The following LIX1 variants were observed in gnomAD, a reference collection of about 807,000 sequenced individuals.
LIX1 encodes limb and CNS expressed 1.
LIX1 carries 24 observed loss-of-function variants against 33.4 expected under a neutral mutation model. The observed-to-expected ratio is 0.72, with a 90% confidence interval of 0.52 to 1.01. The LOEUF (loss-of-function observed/expected upper bound fraction) is 1.01. Among genes scored for constraint, LIX1 ranks in the 50% least tolerant of loss-of-function variants. The probability of loss-of-function intolerance (pLI) is 0.00; values close to 1 mark genes in which losing one functional copy is unlikely to be tolerated. For missense variants in LIX1, 311 were observed against 339.2 expected (o/e 0.92, Z 0.65); for synonymous variants, 124 against 124.0 (o/e 1.00, Z 0.00).
intron 1 of LIX1, among the ~76,000 whole-genome samples, chr5:97,138,175 T>G (rs1017419490): frequency 3.3e-5 from 5 of 152,226 alleles, no homozygotes; most frequent in Admixed American, 2.6e-4. Context: ...TCTTACTTTT[T>G]CATTATAAAA....
intron 1 of LIX1, among the ~76,000 whole-genome samples, chr5:97,133,212 A>G (rs1748098440): frequency 1.3e-5 from 2 of 152,168 alleles, no homozygotes; most frequent in South Asian, 2.1e-4. Flanking sequence ...ACTTTTTATC[A>G]ACAGACAGGA....
chr5:97,133,132 T>A (rs1251391508), intron 1 of LIX1, among the ~76,000 whole-genome samples: 1 of 152,222 alleles, frequency 6.6e-6, no homozygotes, highest in Non-Finnish European at 1.5e-5. Flanking sequence ...CAGGGTTTGT[T>A]ATAGAAGAGT....
rs1746246552 is a variant in LIX1 at position 97,094,593 on chromosome 5, C to A, written c.*155G>T. On this transcript the variant is annotated 3_prime_UTR_variant, in exon 6 of 6. Transcript: ENST00000274382. ...CTTGTTGGGTCTTGTAAGGGTCCTACGACTCTCATACTCTGTAAATGGAAT... is the reference window on the plus strand; with the variant it reads ...CTTGTTGGGTCTTGTAAGGGTCCTAAGACTCTCATACTCTGTAAATGGAAT... 1.5e-6 allele frequency: 1 copy of A among 659,842 alleles called. No individual in the cohort carries two copies. Among genetic ancestry groups the A allele is most frequent in the Non-Finnish European group, 2.5e-6 (1 of 392,168 alleles). The allele number at this position is 659,842 out of a possible 1,614,324, so 40.9% of individuals were successfully genotyped here.
chr5:97,103,732 A>T (rs531765333), intron 4 of LIX1, among the ~76,000 whole-genome samples: 4 of 152,170 alleles, frequency 2.6e-5, no homozygotes, highest in Non-Finnish European at 5.9e-5. Flanking sequence ...TTGGGAGGCC[A>T]AGGCGGGCAG....
intron 1 of LIX1, among the ~76,000 whole-genome samples, chr5:97,133,973 A>G (rs1274519979): frequency 6.6e-6 from 1 of 152,232 alleles, no homozygotes; most frequent in African/African-American, 2.4e-5. Context: ...TCCATTATAA[A>G]TTTGACAGAA....
At chr5:97,116,547 T>TA (rs1422363257) in intron 2 of LIX1, among the ~76,000 whole-genome samples, 2 of 152,162 alleles carry the variant, frequency 1.3e-5, no homozygotes, top group Non-Finnish European at 2.9e-5. Context: ...ATTTTTATAA[T>TA]ATAAACCACC....
chr5:97,098,233 A>G (rs756707595), intron 4 of LIX1, among the ~76,000 whole-genome samples: 16 of 152,240 alleles, frequency 1.1e-4, no homozygotes, highest in Non-Finnish European at 2.2e-4. Context: ...ATAGACAATA[A>G]GGTTGTATTG....
chr5:97,142,395 C>A, intron 1 of LIX1, 100 bp downstream of exon 1: 1 of 792,640 alleles, frequency 1.3e-6, no homozygotes, highest in South Asian at 1.6e-5. Flanking sequence ...CAGCATACGA[C>A]TGCAGAGATT....
chr5:97,125,538 A>C (rs946846711), intron 1 of LIX1, among the ~76,000 whole-genome samples: 3 of 152,168 alleles, frequency 2.0e-5, no homozygotes, highest in South Asian at 2.1e-4. Flanking sequence ...AGCCTATTTC[A>C]ACTGCTAATG....
intron 1 of LIX1, among the ~76,000 whole-genome samples, chr5:97,130,159 T>C (rs981612055): frequency 1.3e-5 from 2 of 152,174 alleles, no homozygotes; most frequent in Non-Finnish European, 2.9e-5. Flanking sequence ...GCCCTTTCTT[T>C]CAAAGAACAA....
chr5:97,141,627 C>T (rs1748290130), intron 1 of LIX1, among the ~76,000 whole-genome samples: 1 of 151,940 alleles, frequency 6.6e-6, no homozygotes, highest in Non-Finnish European at 1.5e-5. Flanking sequence ...CAACTAGATT[C>T]ACAAAGAGGA....
chr5:97,099,805 C>G (rs1436600872), intron 4 of LIX1, among the ~76,000 whole-genome samples: 1 of 152,152 alleles, frequency 6.6e-6, no homozygotes, highest in East Asian at 1.9e-4. Flanking sequence ...ATACCACACT[C>G]CAGCCTCGGC....
intron 5 of LIX1, 86 bp from the exon 6 acceptor site, chr5:97,095,121 A>G (rs1204654501): frequency 2.4e-6 from 3 of 1,275,892 alleles, no homozygotes; most frequent in Non-Finnish European, 3.3e-6. Flanking sequence ...TCCCACATCC[A>G]TTAGGGTTTT....
chr5:97,107,715 T>C (rs1051977427), intron 2 of LIX1, among the ~76,000 whole-genome samples: 1 of 152,240 alleles, frequency 6.6e-6, no homozygotes, highest in Non-Finnish European at 1.5e-5. Flanking sequence ...TTACTTATTG[T>C]CTTATTTTAT....
intron 1 of LIX1, chr5:97,136,992 G>A (rs1029232525): frequency 1.6e-5 from 5 of 306,936 alleles, no homozygotes; most frequent in African/African-American, 1.1e-4. Flanking sequence ...ACAAAAAGAA[G>A]ATTCTTTTAT....
rs115938084 is a variant in LIX1 at position 97,134,139 on chromosome 5, A to G, written c.82+8356T>C. On this transcript the variant is annotated intron_variant, in intron 1 of 5. Coordinates refer to ENST00000274382, the MANE Select transcript of LIX1 (RefSeq NM_153234.5). ...GATTACCATATATATATATTTTTTG[A>G]GATGGAGTTTTACTTTTGTCGCCCA... Among the ~76,000 whole-genome samples the G allele has an allele frequency of 5.0e-3, 767 of 152,258 alleles. 9 individuals carry two copies. The highest frequency in any genetic ancestry group is 0.017 in the African/African-American group (710 of 41,558).
rs1747825313 is a variant in LIX1, at chr5:97,123,127, C to T, written c.246+1339G>A. 2.0e-5 allele frequency among the ~76,000 whole-genome samples: 3 copies of T among 152,256 alleles called. No homozygotes were observed. In the South Asian group the frequency reaches 6.2e-4, roughly 32 times the overall value. On this transcript the variant is annotated intron_variant, in intron 2 of 5. Coordinates refer to ENST00000274382, the MANE Select transcript of LIX1 (RefSeq NM_153234.5). ...GAGAAATCTTTCTTCTTTTATTTCCCCCACTAAAACTGTTCCTAAGAGCAT... is the reference window on the plus strand; with the variant it reads ...GAGAAATCTTTCTTCTTTTATTTCCTCCACTAAAACTGTTCCTAAGAGCAT...
rs1205774187 is a variant in LIX1, at chr5:97,093,321, C to G, written c.*1427G>C. 6.6e-6 allele frequency: 1 copy of G among 151,904 alleles called. No homozygotes were observed. Among genetic ancestry groups the G allele is most frequent in the Non-Finnish European group, 1.5e-5 (1 of 67,922 alleles). 9.4% of individuals were successfully genotyped at this position (151,904 alleles called of 1,614,324 possible). A position where few individuals can be genotyped will look rare whatever the true frequency, so the allele number is the denominator to read the frequency against. On this transcript the variant is annotated 3_prime_UTR_variant, in exon 6 of 6. Transcript: ENST00000274382. ...TGAAGCATGTATGCACTTGCATAAA[C>G]AAAAGAAAAAGAAATTATTTTAAAT...
intron 4 of LIX1, 132 bp from the exon 5 acceptor site, chr5:97,097,019 CT>C: frequency 1.4e-6 from 1 of 713,774 alleles, no homozygotes; most frequent in Non-Finnish European, 2.4e-6. Context: ...CACTTTGGGA[CT>C]TTCCCAAGCC....
Sources: allele counts gnomAD v4.1 joint callset (sites outside exome capture counted in the v4.1 genomes callset), GRCh38; gene constraint gnomAD v4.1.1; transcripts MANE v1.5; gene names NCBI Gene and HGNC (gene_info 2026-07-23, HGNC 2026-07-21).